The following CCDC12 variants were observed in gnomAD, a reference collection of about 807,000 sequenced individuals.
CCDC12 encodes the protein coiled-coil domain containing 12.
In CCDC12, 28 loss-of-function variants were observed where a neutral mutation model predicts 25.7. That is an observed-to-expected ratio of 1.09 (90% CI 0.81 to 1.50). The LOEUF (loss-of-function observed/expected upper bound fraction) is 1.50. Among genes scored for constraint, CCDC12 ranks in the 40% most tolerant of loss-of-function variants. The pLI is 0.00. For synonymous variants in CCDC12, 75 were observed against 87.7 expected (o/e 0.86, Z 0.81); for missense variants, 198 against 210.0 (o/e 0.94, Z 0.35).
intron 1 of CCDC12, among the ~76,000 whole-genome samples, chr3:46,965,106 G>T (rs978226636): frequency 6.6e-6 from 1 of 152,078 alleles, no homozygotes; most frequent in African/African-American, 2.4e-5. Context: ...TGAGAGGGAA[G>T]CACATCCCAT....
intron 2 of CCDC12, among the ~76,000 whole-genome samples, chr3:46,936,829 C>A (rs967886041): frequency 6.6e-6 from 1 of 152,166 alleles, no homozygotes; most frequent in East Asian, 1.9e-4. Context: ...GCAGATGGAC[C>A]CTGCTCTCTG....
chr3:46,978,750 G>A (rs1363616626), upstream of CCDC12, among the ~76,000 whole-genome samples: 3 of 151,958 alleles, frequency 2.0e-5, no homozygotes, highest in Non-Finnish European at 4.4e-5. Flanking sequence ...TTGGGAGGTC[G>A]AGGCGGGTGG....
intron 1 of CCDC12, among the ~76,000 whole-genome samples, chr3:46,959,268 T>C (rs1240870055): frequency 6.6e-6 from 1 of 152,142 alleles, no homozygotes; most frequent in Non-Finnish European, 1.5e-5. Context: ...CAGAACCACA[T>C]GAGGAGTCAA....
intron 1 of CCDC12, chr3:46,976,220 CT>C: frequency 1.4e-6 from 1 of 734,338 alleles, no homozygotes; most frequent in South Asian, 4.4e-5. Flanking sequence ...CCAAGGAGTG[CT>C]GCCGGACTGG....
chr3:46,947,348 C>T (rs1237519995), intron 1 of CCDC12, among the ~76,000 whole-genome samples: 4 of 152,222 alleles, frequency 2.6e-5, no homozygotes, highest in African/African-American at 4.8e-5. Flanking sequence ...TGTGCCCATC[C>T]TCAGGGCCAC....
chr3:46,944,047 G>T (rs984005837), intron 1 of CCDC12, among the ~76,000 whole-genome samples: 1 of 152,236 alleles, frequency 6.6e-6, no homozygotes, highest in Non-Finnish European at 1.5e-5. Flanking sequence ...GCCCGGGATA[G>T]TGGAGGGAAG....
upstream of CCDC12, among the ~76,000 whole-genome samples, chr3:46,978,426 C>T (rs373141636): frequency 6.6e-6 from 1 of 152,106 alleles, no homozygotes; most frequent in Non-Finnish European, 1.5e-5. Flanking sequence ...ACTCCTGGAA[C>T]GAGTAGCACC....
At chr3:46,944,679 C>T (rs1239245775) in intron 1 of CCDC12, among the ~76,000 whole-genome samples, 1 of 152,066 alleles carries the variant, frequency 6.6e-6, no homozygotes. Flanking sequence ...TCCACCCCTG[C>T]CTGCCAGCCA....
At chr3:46,960,610 C>T (rs1176571924) in intron 1 of CCDC12, among the ~76,000 whole-genome samples, 2 of 152,212 alleles carry the variant, frequency 1.3e-5, no homozygotes, top group Non-Finnish European at 2.9e-5. Context: ...GCACCGTTGC[C>T]GAAGCAACTG....
At chr3:46,961,226 A>G (rs1559562743) in intron 1 of CCDC12, among the ~76,000 whole-genome samples, 1 of 152,110 alleles carries the variant, frequency 6.6e-6, no homozygotes, top group Non-Finnish European at 1.5e-5. Flanking sequence ...CCAAGATGAT[A>G]TATGAGACAT....
chr3:46,978,927 G>A (rs1382857131), upstream of CCDC12, among the ~76,000 whole-genome samples: 2 of 152,150 alleles, frequency 1.3e-5, no homozygotes, highest in African/African-American at 4.8e-5. Flanking sequence ...AGATTGCAGT[G>A]AGCCGAGATC....
At chr3:46,973,608 CTTTTCT>C (rs2034872975) in intron 1 of CCDC12, among the ~76,000 whole-genome samples, 1 of 118,034 alleles carries the variant, frequency 8.5e-6, no homozygotes, top group Admixed American at 1.2e-4. Context: ...CATGTTTCTT[CTTTTCT>C]TTTTTTTTTT....
At chr3:46,951,794 A>ATATAT (rs1206045303) in intron 1 of CCDC12, among the ~76,000 whole-genome samples, 65 of 23,572 alleles carry the variant, frequency 2.8e-3, no homozygotes, top group Non-Finnish European at 4.2e-3. Flanking sequence ...AAAAAAAAAA[A>ATATAT]AAAAATATAT....
chr3:46,953,844 C>T (rs1364767153), intron 1 of CCDC12, among the ~76,000 whole-genome samples: 1 of 152,134 alleles, frequency 6.6e-6, no homozygotes, highest in Non-Finnish European at 1.5e-5. Flanking sequence ...AAGAAACTAA[C>T]TGGTGATGAG....
intron 1 of CCDC12, among the ~76,000 whole-genome samples, chr3:46,950,582 G>A (rs1559558517): frequency 6.6e-6 from 1 of 151,750 alleles, no homozygotes; most frequent in Non-Finnish European, 1.5e-5. Flanking sequence ...GCCTCCCAAA[G>A]TGCTGGATTA....
intron 6 of CCDC12, 30 bp downstream of exon 6, chr3:46,922,206 G>T: frequency 6.2e-7 from 1 of 1,614,158 alleles, no homozygotes; most frequent in African/African-American, 1.3e-5. Context: ...CCAGTGGGCA[G>T]GACCCCACCT....
chr3:46,936,108 A>G (rs112099515), intron 2 of CCDC12, among the ~76,000 whole-genome samples: 164 of 152,278 alleles, frequency 1.1e-3, no homozygotes, highest in African/African-American at 3.6e-3. Flanking sequence ...ATCCTGCTGG[A>G]TTTTCATTTA....
chr3:46,978,353 C>T (rs940219263), upstream of CCDC12, among the ~76,000 whole-genome samples: 1 of 152,166 alleles, frequency 6.6e-6, no homozygotes, highest in Non-Finnish European at 1.5e-5. Context: ...GCTGGGAGAA[C>T]AAAACAGGAC....
intron 1 of CCDC12, among the ~76,000 whole-genome samples, chr3:46,960,826 G>A (rs1271134418): frequency 6.6e-6 from 1 of 152,218 alleles, no homozygotes; most frequent in Non-Finnish European, 1.5e-5. Context: ...CTCAGCTGCT[G>A]AAGGTGTATG....
Sources: gnomAD v4.1 joint callset for allele counts (sites outside exome capture counted in the v4.1 genomes callset) on GRCh38, gnomAD v4.1.1 for gene constraint, MANE v1.5 for transcripts, NCBI Gene and HGNC (gene_info 2026-07-23, HGNC 2026-07-21) for gene names.